SLC25A13: variants seen among roughly 807,000 people sequenced by gnomAD.
SLC25A13 encodes electrogenic aspartate/glutamate antiporter SLC25A13, mitochondrial.
Under a neutral mutation model 85.5 loss-of-function variants are expected in SLC25A13, and 70 were observed. The ratio of observed to expected loss-of-function variants is 0.82; its 90% confidence interval spans 0.68 to 1.00. The LOEUF (loss-of-function observed/expected upper bound fraction) is 1.00. Among genes scored for constraint, SLC25A13 ranks in the 50% least tolerant of loss-of-function variants. The pLI is 0.00. For synonymous variants in SLC25A13, 259 were observed against 288.7 expected (o/e 0.90, Z 1.04); for missense variants, 765 against 819.8 (o/e 0.93, Z 0.82).
rs764936968 is a variant in SLC25A13, at chr7:96,189,406, C to A, written c.849-28G>T. ...GTAGGGGAAAAACAAACACAAGCAA[C>A]AAATATACCAATTTATTACAATTTA... On this transcript the variant is annotated intron_variant, in intron 8 of 17. Transcript: ENST00000265631. 1.9e-6 allele frequency: 3 copies of A among 1,592,488 alleles called. No homozygotes were observed. The African/African-American group carries it at 4.0e-5, about 21-fold the overall frequency.
At position 96,231,413 on chromosome 7, in the gene SLC25A13, A is replaced by T. The variant is rs1289802213; in HGVS notation, c.328+3389T>A. ...TATAAGGAACTTAAATTTACCAGGA[A>T]AAAACAACCCCATTAAAAAGTGGGG... On this transcript the variant is annotated intron_variant, in intron 4 of 17. Transcript: ENST00000265631. 2.6e-5 allele frequency among the ~76,000 whole-genome samples: 4 copies of T among 152,112 alleles called. No homozygotes were observed. In the East Asian group the frequency reaches 7.7e-4, roughly 29 times the overall value.
chr7:96,128,019 G>T (rs564012718), intron 15 of SLC25A13, among the ~76,000 whole-genome samples: 1 of 152,122 alleles, frequency 6.6e-6, no homozygotes, highest in East Asian at 1.9e-4. Flanking sequence ...GTTGCACGGG[G>T]CACACTTCTG....
intron 9 of SLC25A13, among the ~76,000 whole-genome samples, chr7:96,187,862 A>G (rs1794696262): frequency 6.6e-6 from 1 of 152,210 alleles, no homozygotes; most frequent in Non-Finnish European, 1.5e-5. Context: ...ACTAGGGTTC[A>G]TGCAGTAAAA....
chr7:96,172,328 A>T (rs1238061938), intron 11 of SLC25A13, among the ~76,000 whole-genome samples: 1 of 152,064 alleles, frequency 6.6e-6, no homozygotes, highest in South Asian at 2.1e-4. Flanking sequence ...GAGGCTGAGG[A>T]GGGTGGATCA....
chr7:96,298,564 G>C (rs1247392001), intron 1 of SLC25A13, among the ~76,000 whole-genome samples: 2 of 152,064 alleles, frequency 1.3e-5, no homozygotes, highest in African/African-American at 4.8e-5. Context: ...CTCCCAAGTA[G>C]TTGGGATTAT....
At position 96,168,653 on chromosome 7, in the gene SLC25A13, T is replaced by G. The variant is rs532284978; in HGVS notation, c.1311+1392A>C. Among the ~76,000 whole-genome samples the G allele has an allele frequency of 4.6e-5, 7 of 152,286 alleles. No homozygotes were observed. The East Asian group carries it at 9.6e-4, about 21-fold the overall frequency. ...CCATGCCATGATGATTGCCAACATC[T>G]TGAGTAGTATCACATAATTAATTTT... On this transcript the variant is annotated intron_variant, in intron 13 of 17. Coordinates refer to ENST00000265631, the MANE Select transcript of SLC25A13 (RefSeq NM_014251.3).
chr7:96,318,842 T>G (rs1800223919), intron 1 of SLC25A13, among the ~76,000 whole-genome samples: 1 of 152,236 alleles, frequency 6.6e-6, no homozygotes, highest in Non-Finnish European at 1.5e-5. Flanking sequence ...TTCTCACAGT[T>G]GCTGAGTCCC....
At chr7:96,213,765 C>T (rs893908484) in intron 4 of SLC25A13, among the ~76,000 whole-genome samples, 2 of 152,108 alleles carry the variant, frequency 1.3e-5, no homozygotes, top group African/African-American at 4.8e-5. Flanking sequence ...AAATACAAGG[C>T]TTATACTCTT....
At chr7:96,266,625 G>A (rs867571205) in intron 3 of SLC25A13, among the ~76,000 whole-genome samples, 9 of 152,052 alleles carry the variant, frequency 5.9e-5, no homozygotes, top group Non-Finnish European at 1.2e-4. Flanking sequence ...AGAAAACCCA[G>A]GCACCTGACA....
chr7:96,155,798 T>A (rs975405020), intron 13 of SLC25A13, among the ~76,000 whole-genome samples: 2 of 152,174 alleles, frequency 1.3e-5, no homozygotes, highest in Non-Finnish European at 2.9e-5. Context: ...TGTGCTAAAC[T>A]CTTCACAGAC....
chr7:96,125,709 C>A (rs1267846766), intron 15 of SLC25A13, among the ~76,000 whole-genome samples: 1 of 150,018 alleles, frequency 6.7e-6, no homozygotes, highest in Non-Finnish European at 1.5e-5. Context: ...ATTTTCTCTC[C>A]TTTTCTATCT....
At position 96,131,799 on chromosome 7, in the gene SLC25A13, G is replaced by A. The variant is rs752235032; in HGVS notation, c.1535C>T (p.Ala512Val). ...PCYAHVKASF[A>V]NEDGQVSPGS... is the part of the protein sequence containing the mutation. The stretch of plus-strand genomic sequence containing the variant: ...TGGGCTAACCTGCCCATCTTCATTT[G>A]CAAAGGAAGCCTTCACATGAGCATA... The change falls in exon 15 of 18, where the codon GCA (alanine) becomes GTA (valine). Residue 512 changes from alanine (A) to valine (V), a missense_variant. By Grantham distance (64) the Ala-to-Val change is moderately conservative (BLOSUM62 0). Coordinates refer to ENST00000265631, the MANE Select transcript of SLC25A13 (RefSeq NM_014251.3). 9 of 1,614,040 alleles carry A rather than the reference G, an allele frequency of 5.6e-6. 1 individual carries two copies. The South Asian group carries it at 7.7e-5, about 14-fold the overall frequency.
rs561756496 is a variant in SLC25A13, at chr7:96,312,061, G to A, written c.15+9881C>T. On this transcript the variant is annotated intron_variant, in intron 1 of 17. Transcript: ENST00000265631. The stretch of plus-strand genomic sequence containing the variant: ...ACCAAGGAGATTTTAGCTGGCTAAA[G>A]AGTTTAAATTTTATTCTGCAGGCAA... Among the ~76,000 whole-genome samples the A allele has an allele frequency of 2.8e-4, 42 of 152,300 alleles. No homozygotes were observed. In the South Asian group the frequency reaches 7.7e-3, roughly 28 times the overall value.
intron 13 of SLC25A13, among the ~76,000 whole-genome samples, chr7:96,154,615 G>T (rs1793182519): frequency 6.6e-6 from 1 of 152,002 alleles, no homozygotes; most frequent in African/African-American, 2.4e-5. Flanking sequence ...TAAAAAGGTA[G>T]ATAAAATGTG....
chr7:96,274,649 A>G (rs1023234915), intron 3 of SLC25A13, among the ~76,000 whole-genome samples: 5 of 152,260 alleles, frequency 3.3e-5, no homozygotes, highest in African/African-American at 9.6e-5. Context: ...TAGGTCTAAC[A>G]TTTAAGTCTT....
intron 14 of SLC25A13, among the ~76,000 whole-genome samples, chr7:96,136,944 G>A (rs2116447637): frequency 6.6e-6 from 1 of 152,304 alleles, no homozygotes. Flanking sequence ...CCTGTCGTCA[G>A]AGCCACCCAG....
intron 4 of SLC25A13, chr7:96,219,742 A>C (rs769909269): frequency 1.9e-6 from 1 of 534,522 alleles, no homozygotes; most frequent in South Asian, 1.4e-5. Flanking sequence ...CCCATGGTCT[A>C]CCTCATTGAT....
At chr7:96,169,555 C>A (rs547075852) in intron 13 of SLC25A13, among the ~76,000 whole-genome samples, 3 of 152,048 alleles carry the variant, frequency 2.0e-5, no homozygotes, top group African/African-American at 4.8e-5. Context: ...GACAATGCAG[C>A]GCACACTCAG....
At chr7:96,272,879 T>C (rs1207498698) in intron 3 of SLC25A13, among the ~76,000 whole-genome samples, 3 of 152,170 alleles carry the variant, frequency 2.0e-5, no homozygotes, top group Admixed American at 6.5e-5. Flanking sequence ...ATCAATAGAA[T>C]AACCGGTTCA....
Sources: allele counts gnomAD v4.1 joint callset (sites outside exome capture counted in the v4.1 genomes callset), GRCh38; gene constraint gnomAD v4.1.1; transcripts MANE v1.5; gene names NCBI Gene and HGNC (gene_info 2026-07-23, HGNC 2026-07-21).